The following NRF1 variants were observed in gnomAD, a reference collection of about 807,000 sequenced individuals.
NRF1 encodes alpha palindromic-binding protein.
NRF1 carries 5 observed loss-of-function variants against 58.5 expected under a neutral mutation model. The ratio of observed to expected loss-of-function variants is 0.09; its 90% CI spans 0.04 to 0.18. NRF1 has a LOEUF of 0.18. Ranked by LOEUF, NRF1 falls within the 10% of genes least tolerant of loss-of-function variation. NRF1 has a pLI of 1.00. For missense variants in NRF1, 288 were observed against 657.7 expected, an observed-to-expected ratio of 0.44 and a Z score of 6.15; for synonymous variants, 224 against 246.7, an observed-to-expected ratio of 0.91 and a Z score of 0.86.
intron 2 of NRF1, among the ~76,000 whole-genome samples, chr7:129,658,378 G>A (rs1801705542): frequency 6.6e-6 from 1 of 152,056 alleles, no homozygotes; most frequent in African/African-American, 2.4e-5. Context: ...GATCACTTGA[G>A]CCCAGGAGTT....
intron 5 of NRF1, among the ~76,000 whole-genome samples, chr7:129,693,690 C>T (rs1802621797): frequency 6.6e-6 from 1 of 152,036 alleles, no homozygotes; most frequent in Admixed American, 6.6e-5. Context: ...TTTACAGTTT[C>T]TATTATTCTG....
Position 129,713,093 on chromosome 7 carries a change from C to CTT in NRF1, c.1065+1534_1065+1535dup, listed in dbSNP as rs536331873. Among the ~76,000 whole-genome samples the CTT allele has an allele frequency of 4.5e-4, 58 of 130,168 alleles. 1 individual carries two copies. Among genetic ancestry groups the CTT allele is most frequent in the East Asian group, 4.3e-3 (19 of 4,452 alleles). 85.4% of individuals were successfully genotyped at this position (130,168 alleles called of 152,430 possible). A position where few individuals can be genotyped will look rare whatever the true frequency, so the allele number is the denominator to read the frequency against. ...TATAACATTAATGGAGTTGCGTTTC[C>CTT]TTTTTTTTTTTTTTTTTTCCTGAGA... On this transcript the variant is annotated intron_variant, in intron 8 of 10. Transcript: ENST00000393232.
chr7:129,680,961 T>C (rs1009582580), intron 4 of NRF1, among the ~76,000 whole-genome samples: 4 of 152,202 alleles, frequency 2.6e-5, no homozygotes, highest in African/African-American at 4.8e-5. Flanking sequence ...CCCCCAGAGA[T>C]GTGCAGGTCC....
At chr7:129,660,883 C>A (rs1427083859) in intron 2 of NRF1, among the ~76,000 whole-genome samples, 1 of 151,054 alleles carries the variant, frequency 6.6e-6, no homozygotes, top group African/African-American at 2.5e-5. Flanking sequence ...TCCGACCCAA[C>A]CCCACATTTC....
chr7:129,661,929 C>A (rs1031793060), intron 2 of NRF1, among the ~76,000 whole-genome samples: 1 of 150,732 alleles, frequency 6.6e-6, no homozygotes, highest in Non-Finnish European at 1.5e-5. Context: ...GGTGGACTTA[C>A]AGATCTATGT....
At chr7:129,633,992 A>AT (rs201785906) in intron 1 of NRF1, among the ~76,000 whole-genome samples, 3,737 of 146,926 alleles carry the variant, frequency 0.025, 80 homozygotes, top group Non-Finnish European at 0.035. Flanking sequence ...TTTGACCGTG[A>AT]TTTTTTAAGG....
chr7:129,642,251 T>C lies in NRF1; in HGVS notation c.-6-15095T>C, dbSNP rs1584600313. On this transcript the variant is annotated intron_variant, in intron 1 of 10. Coordinates refer to ENST00000393232, the MANE Select transcript of NRF1 (RefSeq NM_005011.5). ...TGCCCGCCTCAGCCTCCCAAAGTGC[T>C]GTGATTACAGACGTGAGCCACCGCG... Among the ~76,000 whole-genome samples, 3 of 152,206 alleles carry C rather than the reference T, an allele frequency of 2.0e-5. No homozygotes were observed. The East Asian group carries it at 5.8e-4, about 29-fold the overall frequency.
In NRF1 at chr7:129,657,592, A is replaced by G; in HGVS notation, c.223+18A>G. ...AGCTGCAGGTAGTGTTGTTTGGATT[A>G]GAAGCTCTTCTTTAATTTTTTTTTT... On this transcript the variant is annotated intron_variant, in intron 2 of 10. Coordinates refer to ENST00000393232, the MANE Select transcript of NRF1 (RefSeq NM_005011.5). 2 of 1,482,760 alleles carry G rather than the reference A, an allele frequency of 1.3e-6. No homozygotes were observed. Among genetic ancestry groups the G allele is most frequent in the Non-Finnish European group, 1.8e-6 (2 of 1,081,918 alleles). The allele number at this position is 1,482,760 out of a possible 1,614,324, so 91.9% of individuals were successfully genotyped here.
chr7:129,728,599 A>T (rs997278723), intron 10 of NRF1, among the ~76,000 whole-genome samples: 1 of 151,668 alleles, frequency 6.6e-6, no homozygotes, highest in African/African-American at 2.4e-5. Flanking sequence ...CACTTTGTTT[A>T]TGGTAGGTGC....
intron 10 of NRF1, among the ~76,000 whole-genome samples, chr7:129,732,473 G>T (rs1372490052): frequency 1.3e-5 from 2 of 152,334 alleles, no homozygotes; most frequent in Non-Finnish European, 2.9e-5. Flanking sequence ...TAGCAGAGCT[G>T]CTAAGAAAGC....
intron 1 of NRF1, among the ~76,000 whole-genome samples, chr7:129,627,377 A>C (rs1800942167): frequency 6.8e-6 from 1 of 148,054 alleles, no homozygotes. Flanking sequence ...ATGCTTGGCC[A>C]TTTTTTTTTC....
intron 9 of NRF1, among the ~76,000 whole-genome samples, chr7:129,719,544 A>ACACACACACACACC (rs1584669977): frequency 7.3e-6 from 1 of 137,490 alleles, no homozygotes. Flanking sequence ...ACACACACAC[A>ACACACACACACACC]ACACATCTTC....
chr7:129,642,776 T>C (rs535903752), intron 1 of NRF1, among the ~76,000 whole-genome samples: 1 of 137,066 alleles, frequency 7.3e-6, no homozygotes, highest in Non-Finnish European at 1.5e-5. Flanking sequence ...TTTTTTTTTT[T>C]AAATGAGATA....
chr7:129,686,287 G>A (rs1027771476), intron 4 of NRF1, among the ~76,000 whole-genome samples: 1 of 152,046 alleles, frequency 6.6e-6, no homozygotes, highest in African/African-American at 2.4e-5. Flanking sequence ...TCCAGGGTTA[G>A]GCAGGCACAA....
chr7:129,644,003 T>G (rs2151069083), intron 1 of NRF1, among the ~76,000 whole-genome samples: 1 of 152,096 alleles, frequency 6.6e-6, no homozygotes, highest in East Asian at 1.9e-4. Flanking sequence ...TGCAGTGCCC[T>G]TTTTTTCATT....
Position 129,638,353 on chromosome 7 carries a change from C to T in NRF1, c.-6-18993C>T, listed in dbSNP as rs1236128201. ...CTTGACACTTTATTCCAGCATATTA[C>T]TGCTGGCGAGAAAGACGGTTGACTT... On this transcript the variant is annotated intron_variant, in intron 1 of 10. Coordinates refer to ENST00000393232, the MANE Select transcript of NRF1 (RefSeq NM_005011.5). Among the ~76,000 whole-genome samples, 3 of 152,282 alleles carry T rather than the reference C, an allele frequency of 2.0e-5. No individual in the cohort carries two copies. In the East Asian group the frequency reaches 5.8e-4, roughly 29 times the overall value.
At chr7:129,672,634 A>T (rs770089776) in intron 3 of NRF1, among the ~76,000 whole-genome samples, 1 of 152,198 alleles carries the variant, frequency 6.6e-6, no homozygotes, top group African/African-American at 2.4e-5. Context: ...TCAACTCATC[A>T]TGATTCATTG....
chr7:129,750,638 G>T (rs1239097344), intron 10 of NRF1, among the ~76,000 whole-genome samples: 1 of 152,238 alleles, frequency 6.6e-6, no homozygotes, highest in Admixed American at 6.5e-5. Flanking sequence ...TCTAAGGTGT[G>T]TGGCTGTCCT....
At chr7:129,657,959 A>G (rs1801696105) in intron 2 of NRF1, among the ~76,000 whole-genome samples, 1 of 152,140 alleles carries the variant, frequency 6.6e-6, no homozygotes, top group African/African-American at 2.4e-5. Context: ...AGCCTGTATT[A>G]TACTGAGACT....
Sources: gnomAD v4.1 joint callset for allele counts (sites outside exome capture counted in the v4.1 genomes callset) on GRCh38, gnomAD v4.1.1 for gene constraint, MANE v1.5 for transcripts, NCBI Gene and HGNC (gene_info 2026-07-23, HGNC 2026-07-21) for gene names.